The following SNX20 variants were observed in gnomAD, a reference collection of about 807,000 sequenced individuals.
SNX20 encodes sorting nexin-20.
SNX20 carries 21 observed loss-of-function variants against 24.5 expected under a neutral mutation model. The observed-to-expected ratio is 0.86, with a 90% confidence interval of 0.61 to 1.23. The LOEUF (loss-of-function observed/expected upper bound fraction) is 1.23. Among genes scored for constraint, SNX20 ranks in the 50% most tolerant of loss-of-function variants. SNX20 has a pLI of 0.00. For missense variants in SNX20, 433 were observed against 430.8 expected, an observed-to-expected ratio of 1.00 and a Z score of -0.04; for synonymous variants, 206 against 192.8, an observed-to-expected ratio of 1.07 and a Z score of -0.57.
At chr16:50,670,639 C>T (rs1348128388), downstream of SNX20, 1 of 152,414 alleles carries the variant, frequency 6.6e-6, no homozygotes, top group Non-Finnish European at 1.5e-5. Flanking sequence ...CTGCGGAAAG[C>T]TTGCTGGAGG....
chr16:50,668,723 C>T, downstream of SNX20: 2 of 1,098,006 alleles, frequency 1.8e-6, no homozygotes, highest in Non-Finnish European at 1.1e-6. Flanking sequence ...CACAGCTTGG[C>T]TTTTGAGCCC....
At position 50,678,711 on chromosome 16, in the gene SNX20, A is replaced by C. The variant is rs370449476; in HGVS notation, c.-9-1176T>G. Among the ~76,000 whole-genome samples, 78 of 152,354 alleles carry C rather than the reference A, an allele frequency of 5.1e-4. 2 individuals are homozygous for C. The highest frequency in any genetic ancestry group is 1.9e-3 in the African/African-American group (77 of 41,578). The stretch of plus-strand genomic sequence containing the variant: ...AACAGGCAGCTGGGATCTGGTTTAC[A>C]TAATAACTCTGTCTGTGACCCGGAT... On this transcript the variant is annotated intron_variant, in intron 1 of 3. Coordinates refer to ENST00000330943, the MANE Select transcript of SNX20 (RefSeq NM_182854.4).
chr16:50,676,917 G>C (rs1963194589), intron 2 of SNX20, among the ~76,000 whole-genome samples: 1 of 152,242 alleles, frequency 6.6e-6, no homozygotes, highest in African/African-American at 2.4e-5. Flanking sequence ...CATGCCCCAG[G>C]CTGGACCGTG....
intron 1 of SNX20, among the ~76,000 whole-genome samples, chr16:50,679,335 G>A (rs930290991): frequency 1.3e-5 from 2 of 152,200 alleles, no homozygotes; most frequent in South Asian, 2.1e-4. Context: ...GGTGAGAGCC[G>A]CTGGCCTGGG....
In SNX20 at chr16:50,677,369, C is replaced by G. The variant is rs966332397; in HGVS notation, c.130+28G>C. 3.9e-6 allele frequency: 6 copies of G among 1,551,592 alleles called. No individual in the cohort carries two copies. In the African/African-American group the frequency reaches 4.2e-5, roughly 11 times the overall value. ...TTTGAATGTCTTCAGACCTCTCCCC[C>G]AGACCGAGTCTCAAGCCTCAAGCCC... On this transcript the variant is annotated intron_variant, in intron 2 of 3. Transcript: ENST00000330943.
chr16:50,673,344 C>G lies in SNX20; in HGVS notation c.*62G>C. On this transcript the variant is annotated 3_prime_UTR_variant, in exon 4 of 4. Transcript: ENST00000330943. The surrounding 1 kb of genome is among the most constrained non-coding windows in gnomAD (Gnocchi z 4.1). The stretch of plus-strand genomic sequence containing the variant: ...AAAAATAAAAAAAAAGAACCCCAAA[C>G]AGCCCACTGTGAGCCATGGTGACCC... 7.1e-7 allele frequency: 1 copy of G among 1,405,322 alleles called. No homozygotes were observed. The highest frequency in any genetic ancestry group is 1.5e-5 in the African/African-American group (1 of 67,166). The allele number at this position is 1,405,322 out of a possible 1,614,324, so 87.1% of individuals were successfully genotyped here.
Position 50,673,241 on chromosome 16 carries a change from C to G in SNX20, c.*165G>C. 1 of 1,191,782 alleles carries G rather than the reference C, an allele frequency of 8.4e-7. No homozygotes were observed. Among genetic ancestry groups the G allele is most frequent in the Non-Finnish European group, 1.1e-6 (1 of 937,774 alleles). 73.8% of individuals were successfully genotyped at this position (1,191,782 alleles called of 1,614,324 possible). ...GCTTGTGCCCAGGAGTTTGAGGCTG[C>G]AGTGAGACATAATTGAGCCACTGCA... On this transcript the variant is annotated 3_prime_UTR_variant, in exon 4 of 4. Coordinates refer to ENST00000330943, the MANE Select transcript of SNX20 (RefSeq NM_182854.4). The surrounding 1 kb of genome is among the most constrained non-coding windows in gnomAD (Gnocchi z 4.1).
intron 3 of SNX20, among the ~76,000 whole-genome samples, chr16:50,675,470 T>G (rs1963159505): frequency 6.6e-6 from 1 of 152,204 alleles, no homozygotes; most frequent in Non-Finnish European, 1.5e-5. Context: ...ACAGATACAG[T>G]GATATGGCAA....
downstream of SNX20, chr16:50,668,870 G>T: frequency 7.1e-7 from 1 of 1,400,852 alleles, no homozygotes; most frequent in East Asian, 2.6e-5. Flanking sequence ...TCTAGGCCAA[G>T]GGGTCACAGT....
At chr16:50,669,171 T>TGA (rs1382172306), downstream of SNX20, 2 of 1,074,112 alleles carry the variant, frequency 1.9e-6, no homozygotes. Context: ...GTGAGTGAAA[T>TGA]GATCTTTAAA....
At chr16:50,666,985 G>A (rs1962929954), downstream of SNX20, 1 of 152,180 alleles carries the variant, frequency 6.6e-6, no homozygotes, top group African/African-American at 2.4e-5. Flanking sequence ...GTGGGTCCTT[G>A]GATCCTGCTT....
downstream of SNX20, chr16:50,668,128 C>G (rs78629804): frequency 3.7e-3 from 5,738 of 1,548,760 alleles, 199 homozygotes; most frequent in African/African-American, 0.069. Flanking sequence ...GCTGAACACT[C>G]GAGTTGGTGA....
chr16:50,667,836 C>T (rs920698161), downstream of SNX20: 6 of 650,986 alleles, frequency 9.2e-6, no homozygotes, highest in Non-Finnish European at 1.6e-5. Flanking sequence ...AGTGAGGGGG[C>T]CGAGCCTGGG....
At chr16:50,669,461 G>A (rs1415671482), downstream of SNX20, 4 of 255,410 alleles carry the variant, frequency 1.6e-5, no homozygotes, top group Non-Finnish European at 3.1e-5. Context: ...ATTACCACGG[G>A]GAGGGCACCA....
chr16:50,679,880 C>T (rs1344178416), intron 1 of SNX20, among the ~76,000 whole-genome samples: 3 of 152,180 alleles, frequency 2.0e-5, no homozygotes, highest in African/African-American at 7.2e-5. Flanking sequence ...GGCGAGTGGC[C>T]TTGGCCTCAG....
chr16:50,672,223 G>T lies in SNX20; in HGVS notation c.*1183C>A, dbSNP rs970640664. On this transcript the variant is annotated 3_prime_UTR_variant, in exon 4 of 4. Coordinates refer to ENST00000330943, the MANE Select transcript of SNX20 (RefSeq NM_182854.4). ...AGACCCTCAAAAGGGGCAGTGTTGA[G>T]GATTCAGTCTGTTTTCTGCCCAGAG... 3 of 152,220 alleles carry T rather than the reference G, an allele frequency of 2.0e-5. No individual in the cohort carries two copies. Among genetic ancestry groups the T allele is most frequent in the African/African-American group, 7.2e-5 (3 of 41,438 alleles). The allele number at this position is 152,220 out of a possible 1,614,324, so 9.4% of individuals were successfully genotyped here. A position where few individuals can be genotyped will look rare whatever the true frequency, so the allele number is the denominator to read the frequency against.
downstream of SNX20, chr16:50,669,262 C>T (rs1262644769): frequency 3.0e-6 from 2 of 657,042 alleles, no homozygotes; most frequent in Non-Finnish European, 2.8e-6. Flanking sequence ...TTATTTGGCT[C>T]ACAGTTGTGC....
At chr16:50,669,799 A>G (rs1043565439), downstream of SNX20, 1 of 152,162 alleles carries the variant, frequency 6.6e-6, no homozygotes, top group Admixed American at 6.5e-5. Context: ...ATTTTCCTCA[A>G]CTGAAAAATG....
chr16:50,678,811 A>G (rs1963236894), intron 1 of SNX20, among the ~76,000 whole-genome samples: 1 of 152,208 alleles, frequency 6.6e-6, no homozygotes, highest in Non-Finnish European at 1.5e-5. Flanking sequence ...AATTGGGGAT[A>G]ATAACAGAAC....
Sources: gnomAD v4.1 joint callset for allele counts (sites outside exome capture counted in the v4.1 genomes callset) on GRCh38, gnomAD v4.1.1 for gene constraint, Gnocchi (gnomAD v3.1) non-coding constraint, MANE v1.5 for transcripts, NCBI Gene and HGNC (gene_info 2026-07-23, HGNC 2026-07-21) for gene names.